Variants in PRDM16 observed in about 807,000 individuals in gnomAD.
PRDM16 encodes the protein PR/SET domain 16.
In PRDM16, 23 loss-of-function variants were observed where a neutral mutation model predicts 110.6. That is an observed-to-expected ratio of 0.21 (90% CI 0.15 to 0.29). PRDM16 has a LOEUF of 0.29. Among genes scored for constraint, PRDM16 ranks in the 10% least tolerant of loss-of-function variants. The pLI is 1.00. For synonymous variants in PRDM16, 799 were observed against 781.8 expected (o/e 1.02, Z -0.37); for missense variants, 1,615 against 1,794.3 (o/e 0.90, Z 1.81).
chr1:3,130,811 A>AT (rs1557470637), intron 1 of PRDM16, among the ~76,000 whole-genome samples: 8 of 146,510 alleles, frequency 5.5e-5, no homozygotes, highest in Non-Finnish European at 1.0e-4. Context: ...TTTTTTTTTA[A>AT]TTTTTTATCT....
chr1:3,163,976 C>A (rs1362615787), intron 1 of PRDM16, among the ~76,000 whole-genome samples: 1 of 152,210 alleles, frequency 6.6e-6, no homozygotes, highest in Non-Finnish European at 1.5e-5. Flanking sequence ...AGCCCTGGGG[C>A]CCAGGGGACG....
rs1642239041 is a variant in PRDM16 at position 3,339,963 on chromosome 1, C to T, written c.439-45189C>T. Reference sequence around the variant, plus strand: ...CTGGGGGGAACAGGTGTGCCATCCCCCGAGCGTGCCTCCTCCTCTCCCTGG... The same window carrying T: ...CTGGGGGGAACAGGTGTGCCATCCCTCGAGCGTGCCTCCTCCTCTCCCTGG... On this transcript the variant is annotated intron_variant, in intron 3 of 16. Coordinates refer to ENST00000270722, the MANE Select transcript of PRDM16 (RefSeq NM_022114.4). The surrounding 1 kb of genome is among the most constrained non-coding windows in gnomAD (Gnocchi z 5.0). 6.6e-6 allele frequency among the ~76,000 whole-genome samples: 1 copy of T among 152,182 alleles called. No homozygotes were observed. The highest frequency in any genetic ancestry group is 2.4e-5 in the African/African-American group (1 of 41,442).
At chr1:3,180,601 G>T (rs1251959527) in intron 1 of PRDM16, among the ~76,000 whole-genome samples, 3 of 152,202 alleles carry the variant, frequency 2.0e-5, no homozygotes, top group African/African-American at 4.8e-5. Flanking sequence ...CAGGGAACCC[G>T]CATGGGGCCT....
rs372530495 is a variant in PRDM16 at position 3,085,011 on chromosome 1, T to C, written c.37+15715T>C. Among the ~76,000 whole-genome samples the C allele has an allele frequency of 1.2e-4, 18 of 152,260 alleles. No homozygotes were observed. The East Asian group carries it at 1.3e-3, about 11-fold the overall frequency. The stretch of plus-strand genomic sequence containing the variant: ...TTTGTTTCCAGCAGCTGGGATGGTT[T>C]CTGCCCAGCATCCAGCCCCTTTTCC... On this transcript the variant is annotated intron_variant, in intron 1 of 16. Transcript: ENST00000270722.
chr1:3,332,892 T>A (rs1420768164), intron 3 of PRDM16, among the ~76,000 whole-genome samples: 1 of 152,206 alleles, frequency 6.6e-6, no homozygotes, highest in Non-Finnish European at 1.5e-5. Context: ...CTGGCTTCTC[T>A]CACTACGCAT....
chr1:3,432,000 T>C lies in PRDM16; in HGVS notation c.3556T>C (p.Leu1186=). Residue 1186 remains leucine (L), a synonymous_variant, in exon 16 of 17, where the codon TTG becomes CTG. Transcript: ENST00000270722. ...GGACCACGAAGGCGGTCTGTTAGCT[T>C]TGGAGCCGATGCCGACTTTTGGGAA... ...AEDHEGGLLA[L]EPMPTFGKGL... 1 of 1,613,938 alleles carries C rather than the reference T, an allele frequency of 6.2e-7. No homozygotes were observed. Among genetic ancestry groups the C allele is most frequent in the Non-Finnish European group, 8.5e-7 (1 of 1,180,004 alleles).
rs577853117 is a variant in PRDM16, at chr1:3,134,873, G to A, written c.38-51252G>A. Among the ~76,000 whole-genome samples the A allele has an allele frequency of 2.0e-5, 3 of 152,350 alleles. No individual in the cohort carries two copies. In the East Asian group the frequency reaches 5.8e-4, roughly 29 times the overall value. On this transcript the variant is annotated intron_variant, in intron 1 of 16. Transcript: ENST00000270722. The stretch of plus-strand genomic sequence containing the variant: ...CACCCGAACCCGCGTGGGACACCCG[G>A]GAGCCCACCTCCTGAGAGCCCGGCG...
chr1:3,117,672 C>T (rs758370968), intron 1 of PRDM16, among the ~76,000 whole-genome samples: 32 of 152,184 alleles, frequency 2.1e-4, no homozygotes, highest in Non-Finnish European at 3.2e-4. Context: ...GGAGGGGGCC[C>T]GGCAACCCAG....
At chr1:3,430,841 A>G in intron 14 of PRDM16, 31 bp from the exon 15 acceptor site, 1 of 1,609,680 alleles carries the variant, frequency 6.2e-7, no homozygotes, top group Non-Finnish European at 8.5e-7. Context: ...AGACACCCAA[A>G]CTCAGTCAAT....
intron 3 of PRDM16, among the ~76,000 whole-genome samples, chr1:3,372,562 G>C (rs1227185787): frequency 6.6e-6 from 1 of 152,208 alleles, no homozygotes; most frequent in Non-Finnish European, 1.5e-5. Flanking sequence ...CTTTGGTTTG[G>C]GGCTGTTGGG....
At chr1:3,120,887 C>A (rs1260162124) in intron 1 of PRDM16, among the ~76,000 whole-genome samples, 1 of 152,202 alleles carries the variant, frequency 6.6e-6, no homozygotes, top group African/African-American at 2.4e-5. Flanking sequence ...GAGACTTGTT[C>A]TCTCCGGGAT....
chr1:3,315,963 G>A (rs767905611), intron 3 of PRDM16, among the ~76,000 whole-genome samples: 10 of 152,044 alleles, frequency 6.6e-5, no homozygotes, highest in Non-Finnish European at 1.2e-4. Flanking sequence ...ACATCTCAGG[G>A]GACAGTATCA....
chr1:3,188,496 T>C (rs1644297947), intron 2 of PRDM16, among the ~76,000 whole-genome samples: 1 of 152,212 alleles, frequency 6.6e-6, no homozygotes, highest in African/African-American at 2.4e-5. Flanking sequence ...TGTGTGTACG[T>C]GAGGGAACGC....
At chr1:3,146,034 T>C (rs1333563968) in intron 1 of PRDM16, among the ~76,000 whole-genome samples, 3 of 152,166 alleles carry the variant, frequency 2.0e-5, no homozygotes, top group Admixed American at 2.0e-4. Context: ...AGGGACGCAA[T>C]GAGGACCCGT....
chr1:3,135,985 T>C (rs894040778), intron 1 of PRDM16, among the ~76,000 whole-genome samples: 2 of 152,104 alleles, frequency 1.3e-5, no homozygotes, highest in Non-Finnish European at 2.9e-5. Flanking sequence ...CCTTTGTTTT[T>C]CCAGCAGTTG....
chr1:3,263,371 G>A (rs879454072), intron 3 of PRDM16, among the ~76,000 whole-genome samples: 6 of 152,194 alleles, frequency 3.9e-5, no homozygotes, highest in Non-Finnish European at 7.4e-5. Flanking sequence ...AGAGCGTGCC[G>A]CTCTCCCGTG....
In PRDM16 at chr1:3,231,178, T is replaced by C. The variant is rs79038076; in HGVS notation, c.388-12909T>C. ...GTCCCATACACGTTTTTGTTTATTT[T>C]TACAACCCTTCATACACGTAAAAGC... is the stretch of plus-strand genomic sequence containing the variant. On this transcript the variant is annotated intron_variant, in intron 2 of 16. Coordinates refer to ENST00000270722, the MANE Select transcript of PRDM16 (RefSeq NM_022114.4). 0.014 allele frequency among the ~76,000 whole-genome samples: 2,085 copies of C among 152,304 alleles called. 124 individuals are homozygous for C. The South Asian group carries it at 0.16, about 12-fold the overall frequency.
At position 3,417,881 on chromosome 1, in the gene PRDM16, G is replaced by T; in HGVS notation, c.2745G>T (p.Lys915Asn). ...AGCTGGAGAGCTTTGCAGCCATGAA[G>T]GCGGACTCGGGCAGCTCCCTGCAGC... ...TEKLESFAAM[K>N]ADSGSSLQPL... Residue 915 changes from lysine to asparagine, a missense_variant, in exon 11 of 17, where the codon AAG (lysine) becomes AAT (asparagine). Lys to Asn is a moderately conservative substitution (Grantham distance 94). This residue lies in a region of PRDM16 where 772 missense variants were observed against 748.3 expected (regional missense o/e 1.03). Transcript: ENST00000270722. The T allele has an allele frequency of 1.2e-6, 2 of 1,613,810 alleles. No individual in the cohort carries two copies. Among genetic ancestry groups the T allele is most frequent in the Non-Finnish European group, 1.7e-6 (2 of 1,179,932 alleles).
At position 3,208,928 on chromosome 1, in the gene PRDM16, T is replaced by C. The variant is rs1638816680; in HGVS notation, c.387+22454T>C. ...TCTTGGGGACAGAAGAAACCTGGCT[T>C]TTCCCATGAACAGATGTCCCCCTCG... is the stretch of plus-strand genomic sequence containing the variant. On this transcript the variant is annotated intron_variant, in intron 2 of 16. Transcript: ENST00000270722. The surrounding 1 kb of genome is among the most constrained non-coding windows in gnomAD (Gnocchi z 6.1). Among the ~76,000 whole-genome samples the C allele has an allele frequency of 6.6e-6, 1 of 152,130 alleles. No homozygotes were observed. The highest frequency in any genetic ancestry group is 1.5e-5 in the Non-Finnish European group (1 of 68,016).
Sources: allele counts gnomAD v4.1 joint callset (sites outside exome capture counted in the v4.1 genomes callset), GRCh38; gene constraint gnomAD v4.1.1; regional missense constraint gnomAD v4.1.1; non-coding constraint Gnocchi (gnomAD v3.1); transcripts MANE v1.5; gene names NCBI Gene and HGNC (gene_info 2026-07-23, HGNC 2026-07-21).